The following CTCF variants were observed in gnomAD, a reference collection of about 807,000 sequenced individuals.
CTCF encodes CCCTC-binding factor.
CTCF carries 7 observed loss-of-function variants against 72.3 expected under a neutral mutation model. The ratio of observed to expected loss-of-function variants is 0.10; its 90% CI spans 0.06 to 0.18. The LOEUF (loss-of-function observed/expected upper bound fraction) is 0.18. Among genes scored for constraint, CTCF ranks in the 10% least tolerant of loss-of-function variants. The probability of loss-of-function intolerance (pLI) is 1.00; values close to 1 mark genes in which losing one functional copy is unlikely to be tolerated. For synonymous variants in CTCF, 374 were observed against 315.8 expected (o/e 1.18, Z -1.95); for missense variants, 516 against 949.1 (o/e 0.54, Z 6.00).
rs1555532965 is a variant in CTCF, at chr16:67,601,252, G to GTTT, written c.-9-9571_-9-9570insTTT. ...TGTGTGTGTGTGTGTGTGTGTGTGTGTGTTTTGTTTTGTTTTTTAAGACAG... is the reference window on the plus strand; with the variant it reads ...TGTGTGTGTGTGTGTGTGTGTGTGTGTTTTGTTTTGTTTTGTTTTTTAAGACAG... On this transcript the variant is annotated intron_variant, in intron 2 of 11. Coordinates refer to ENST00000264010, the MANE Select transcript of CTCF (RefSeq NM_006565.4). Among the ~76,000 whole-genome samples, 646 of 137,034 alleles carry GTTT rather than the reference G, an allele frequency of 4.7e-3. 4 individuals carry two copies. The highest frequency in any genetic ancestry group is 0.011 in the South Asian group (45 of 4,054). The allele number at this position is 137,034 out of a possible 152,430, so 89.9% of individuals were successfully genotyped here.
At chr16:67,634,784 A>T (rs1411752098) in intron 10 of CTCF, among the ~76,000 whole-genome samples, 1 of 149,148 alleles carries the variant, frequency 6.7e-6, no homozygotes. Flanking sequence ...GCTCACTGCA[A>T]CCTCCACCTC....
chr16:67,588,208 C>T (rs1052783369), intron 2 of CTCF, among the ~76,000 whole-genome samples: 1 of 152,202 alleles, frequency 6.6e-6, no homozygotes, highest in Non-Finnish European at 1.5e-5. Context: ...AATCATTGCT[C>T]AGGCAGCATC....
At chr16:67,634,780 T>G (rs1030472095) in intron 10 of CTCF, among the ~76,000 whole-genome samples, 2 of 151,518 alleles carry the variant, frequency 1.3e-5, no homozygotes, top group Non-Finnish European at 2.9e-5. Context: ...CTCAGCTCAC[T>G]GCAACCTCCA....
intron 7 of CTCF, among the ~76,000 whole-genome samples, chr16:67,624,176 T>C (rs2052250547): frequency 1.3e-5 from 2 of 151,232 alleles, no homozygotes; most frequent in Non-Finnish European, 2.9e-5. Flanking sequence ...TATGTATTCA[T>C]ATATATATGT....
In CTCF at chr16:67,621,343, T is replaced by G. The variant is rs541001920; in HGVS notation, c.1208-99T>G. 2,539 of 846,492 alleles carry G rather than the reference T, an allele frequency of 3.0e-3. 5 individuals carry two copies. Among genetic ancestry groups the G allele is most frequent in the Non-Finnish European group, 4.0e-3 (2,131 of 526,188 alleles). The allele number at this position is 846,492 out of a possible 1,614,324, so 52.4% of individuals were successfully genotyped here. Reference sequence around the variant, plus strand: ...CTCAGCCTTCCTAAGACCTGTAGATTCTCTGTGGTGTAGCATATCTGCCAC... The same window carrying G: ...CTCAGCCTTCCTAAGACCTGTAGATGCTCTGTGGTGTAGCATATCTGCCAC... On this transcript the variant is annotated intron_variant, in intron 6 of 11. Coordinates refer to ENST00000264010, the MANE Select transcript of CTCF (RefSeq NM_006565.4).
intron 10 of CTCF, among the ~76,000 whole-genome samples, chr16:67,634,464 T>C (rs1406536206): frequency 6.6e-6 from 1 of 150,708 alleles, no homozygotes; most frequent in African/African-American, 2.4e-5. Context: ...CACCTCGGCC[T>C]CCTAAAGTGC....
At chr16:67,610,654 A>G (rs2052049571) in intron 2 of CTCF, 170 bp from the exon 3 acceptor site, 2 of 382,290 alleles carry the variant, frequency 5.2e-6, no homozygotes, top group Non-Finnish European at 9.0e-6. Context: ...GCACCTGGCC[A>G]GTAGTGGTTG....
At chr16:67,562,971 G>C (rs946414510) in intron 1 of CTCF, among the ~76,000 whole-genome samples, 2 of 128,962 alleles carry the variant, frequency 1.6e-5, no homozygotes, top group Non-Finnish European at 3.2e-5. Context: ...CAGCGCGCTA[G>C]GCCTCGGGCG....
rs60675008 is a variant in CTCF, at chr16:67,621,051, T to G, written c.1207+234T>G. The stretch of plus-strand genomic sequence containing the variant: ...TGAATCTGCCTACAACAAGAAAAAT[T>G]TTAAGGGAGAAATTAAGTTAAAATG... On this transcript the variant is annotated intron_variant, in intron 6 of 11. Transcript: ENST00000264010. The G allele has an allele frequency of 1.9e-3, 743 of 389,822 alleles. 6 individuals carry two copies. Among genetic ancestry groups the G allele is most frequent in the African/African-American group, 0.014 (674 of 48,812 alleles). The allele number at this position is 389,822 out of a possible 1,614,324, so 24.1% of individuals were successfully genotyped here.
intron 10 of CTCF, 104 bp downstream of exon 10, chr16:67,629,637 T>G: frequency 1.8e-6 from 2 of 1,112,146 alleles, no homozygotes; most frequent in Non-Finnish European, 2.5e-6. Flanking sequence ...GGGCACACAC[T>G]CTTCCTTTCT....
chr16:67,603,029 G>A (rs758934349), intron 2 of CTCF, among the ~76,000 whole-genome samples: 13 of 152,002 alleles, frequency 8.6e-5, no homozygotes, highest in Non-Finnish European at 1.6e-4. Flanking sequence ...TGTCCGGTAC[G>A]GAAGCCCCTA....
intron 2 of CTCF, among the ~76,000 whole-genome samples, chr16:67,595,469 G>A (rs1026328070): frequency 8.5e-5 from 13 of 152,118 alleles, no homozygotes; most frequent in African/African-American, 3.1e-4. Context: ...CAAAGGTTTA[G>A]ATAAGATTAG....
chr16:67,594,078 T>TAAAA (rs1334418293), intron 2 of CTCF, among the ~76,000 whole-genome samples: 1 of 152,170 alleles, frequency 6.6e-6, no homozygotes, highest in Non-Finnish European at 1.5e-5. Flanking sequence ...ATCTAACCTG[T>TAAAA]AATTGTGTTT....
chr16:67,612,230 C>A (rs1460879692), intron 4 of CTCF, 109 bp downstream of exon 4: 2 of 926,636 alleles, frequency 2.2e-6, no homozygotes, highest in South Asian at 1.9e-5. Flanking sequence ...TTTATTATTT[C>A]TTATGATGCC....
chr16:67,610,236 C>T (rs1050047125), intron 2 of CTCF, among the ~76,000 whole-genome samples: 16 of 152,058 alleles, frequency 1.1e-4, no homozygotes, highest in African/African-American at 3.9e-4. Context: ...TATAATTTAA[C>T]ATCCTGAGTC....
intron 5 of CTCF, among the ~76,000 whole-genome samples, chr16:67,618,968 A>G (rs1294412697): frequency 1.3e-5 from 2 of 152,270 alleles, no homozygotes; most frequent in African/African-American, 4.8e-5. Flanking sequence ...TTGTAAAACT[A>G]TAGTAAATGA....
chr16:67,624,113 GTGTATGTGTGTGTA>G (rs2052246536), intron 7 of CTCF, among the ~76,000 whole-genome samples: 1 of 132,576 alleles, frequency 7.5e-6, no homozygotes, highest in African/African-American at 3.1e-5. Context: ...GTGTGTGTGT[GTGTATGTGTGTGTA>G]TATATATGTG....
At chr16:67,590,278 C>T (rs759470934) in intron 2 of CTCF, among the ~76,000 whole-genome samples, 9 of 151,914 alleles carry the variant, frequency 5.9e-5, no homozygotes, top group South Asian at 2.1e-4. Context: ...TTTATTAGTA[C>T]GTATTTCCTA....
Position 67,611,626 on chromosome 16 carries a change from T to C in CTCF, c.781+13T>C, listed in dbSNP as rs1396240361. On this transcript the variant is annotated intron_variant, in intron 3 of 11. Coordinates refer to ENST00000264010, the MANE Select transcript of CTCF (RefSeq NM_006565.4). ...ATTAAAAAGAAAGGTAAAACGAGTT[T>C]ATCCATAGTGGTTTCATAAAACCAT... 6.2e-7 allele frequency: 1 copy of C among 1,600,210 alleles called. No individual in the cohort carries two copies. The highest frequency in any genetic ancestry group is 8.5e-7 in the Non-Finnish European group (1 of 1,172,864).
Sources: gnomAD v4.1 joint callset for allele counts (sites outside exome capture counted in the v4.1 genomes callset) on GRCh38, gnomAD v4.1.1 for gene constraint, MANE v1.5 for transcripts, NCBI Gene and HGNC (gene_info 2026-07-23, HGNC 2026-07-21) for gene names.